Variants in BRPF1 observed in about 807,000 individuals in gnomAD.
The protein encoded by BRPF1 is bromodomain and PHD finger containing 1.
BRPF1 carries 15 observed loss-of-function variants against 115.0 expected under a neutral mutation model. That is an observed-to-expected ratio of 0.13 (90% CI 0.09 to 0.20). The LOEUF (loss-of-function observed/expected upper bound fraction) is 0.20. Among genes scored for constraint, BRPF1 ranks in the 10% least tolerant of loss-of-function variants. The pLI is 1.00. For synonymous variants in BRPF1, 647 were observed against 619.8 expected (o/e 1.04, Z -0.65); for missense variants, 1,118 against 1,638.3 (o/e 0.68, Z 5.48).
In BRPF1 at chr3:9,746,028, G is replaced by C. The variant is rs1488870861; in HGVS notation, c.3324+98G>C. 1.5e-5 allele frequency: 21 copies of C among 1,374,902 alleles called. No individual in the cohort carries two copies. In the Middle Eastern group the frequency reaches 5.7e-4, roughly 37 times the overall value. 85.2% of individuals were successfully genotyped at this position (1,374,902 alleles called of 1,614,324 possible). A position where few individuals can be genotyped will look rare whatever the true frequency, so the allele number is the denominator to read the frequency against. On this transcript the variant is annotated intron_variant, in intron 12 of 13. Coordinates refer to ENST00000383829, the MANE Select transcript of BRPF1 (RefSeq NM_001003694.2). ...ACTCCCTGCTGAGCTGTGGGGCACA[G>C]AGTTTCTTGGTAAGGTAGACTGGTG...
chr3:9,740,409 CTA>C (rs1362888948), intron 3 of BRPF1, among the ~76,000 whole-genome samples: 1 of 152,160 alleles, frequency 6.6e-6, no homozygotes, highest in African/African-American at 2.4e-5. Context: ...ATTTGATTTA[CTA>C]TATATTTCTG....
rs2077143742 is a variant in BRPF1 at position 9,747,221 on chromosome 3, AAGG to A, written c.3538_3540del (p.Glu1180del). Reference sequence around the variant, plus strand: ...TCTGGGTGTGAACCAGGACCTAGACAAGGAGAAGATGCTGGAGGGCCGCAAGTC... The same window carrying A: ...TCTGGGTGTGAACCAGGACCTAGACAAGAAGATGCTGGAGGGCCGCAAGTC... On this transcript the variant is annotated inframe_deletion, in exon 14 of 14. Transcript: ENST00000383829. This position sits in a 1 kb window ranked among gnomAD's most constrained non-coding sequence, Gnocchi z 5.6. The A allele has an allele frequency of 6.2e-7, 1 of 1,614,206 alleles. No homozygotes were observed. The highest frequency in any genetic ancestry group is 8.5e-7 in the Non-Finnish European group (1 of 1,180,050).
In BRPF1 at chr3:9,732,027, C is replaced by T. The variant is rs1353554900; in HGVS notation, c.-122C>T. The T allele has an allele frequency of 1.3e-5, 2 of 152,498 alleles. No homozygotes were observed. Among genetic ancestry groups the T allele is most frequent in the South Asian group, 2.1e-4 (1 of 4,838 alleles). The allele number at this position is 152,498 out of a possible 1,614,324, so 9.4% of individuals were successfully genotyped here. A position where few individuals can be genotyped will look rare whatever the true frequency, so the allele number is the denominator to read the frequency against. On this transcript the variant is annotated 5_prime_UTR_variant, in exon 1 of 14. Transcript: ENST00000383829. ...GGGCCGGGGTGGCGAGGTCTACGGT[C>T]TCCGGAGTTGGGGCTCCCCCTTCCC...
In BRPF1 at chr3:9,745,744, G is replaced by A. The variant is rs1004043431; in HGVS notation, c.3205+35G>A. On this transcript the variant is annotated intron_variant, in intron 11 of 13. Transcript: ENST00000383829. This position sits in a 1 kb window ranked among gnomAD's most constrained non-coding sequence, Gnocchi z 5.1. ...CTTGCCCAAGGCCAGGGATGCTGGGGACCCAGTGTCAGGGTCTCGCCAGCC... is the reference window on the plus strand; with the variant it reads ...CTTGCCCAAGGCCAGGGATGCTGGGAACCCAGTGTCAGGGTCTCGCCAGCC... The A allele has an allele frequency of 6.2e-7, 1 of 1,611,942 alleles. No homozygotes were observed. Among genetic ancestry groups the A allele is most frequent in the Non-Finnish European group, 8.5e-7 (1 of 1,178,152 alleles).
intron 3 of BRPF1, 136 bp from the exon 4 acceptor site, chr3:9,740,642 TC>T: frequency 8.8e-7 from 1 of 1,141,134 alleles, no homozygotes; most frequent in Non-Finnish European, 1.2e-6. Context: ...TTGCCTTAAG[TC>T]CAGAGTCCCA....
Position 9,743,012 on chromosome 3 carries a change from T to G in BRPF1, c.2070T>G (p.Ala690=). Residue 690 remains alanine (A), a synonymous_variant, in exon 7 of 14, where the codon GCT becomes GCG. Coordinates refer to ENST00000383829, the MANE Select transcript of BRPF1 (RefSeq NM_001003694.2). The surrounding 1 kb of genome is among the most constrained non-coding windows in gnomAD (Gnocchi z 6.1). The part of the protein sequence containing the change: ...DFFTMKQNLE[A]YRYLNFDDFE... Reference sequence around the variant, plus strand: ...TCACCATGAAGCAGAACTTGGAGGCTTACCGCTACCTGAATTTTGATGATT... The same window carrying G: ...TCACCATGAAGCAGAACTTGGAGGCGTACCGCTACCTGAATTTTGATGATT... 6.2e-7 allele frequency: 1 copy of G among 1,614,200 alleles called. No homozygotes were observed. Among genetic ancestry groups the G allele is most frequent in the East Asian group, 2.2e-5 (1 of 44,882 alleles).
intron 6 of BRPF1, 25 bp from the exon 7 acceptor site, chr3:9,742,919 A>G (rs751252501): frequency 6.2e-7 from 1 of 1,603,384 alleles, no homozygotes; most frequent in Admixed American, 1.7e-5. Flanking sequence ...TCTCCACTTA[A>G]AACAAACCTG....
rs186867660 is a variant in BRPF1 at position 9,741,284 on chromosome 3, C to T, written c.1723-24C>T. 2.9e-5 allele frequency: 45 copies of T among 1,545,684 alleles called. 1 individual carries two copies. In the African/African-American group the frequency reaches 6.1e-4, roughly 21 times the overall value. ...TTTCCTCTGGCTTTCTAATCATCCT[C>T]TGATCTTCGTTTTGCCTCTACAGAG... is the stretch of plus-strand genomic sequence containing the variant. On this transcript the variant is annotated intron_variant, in intron 4 of 13. Coordinates refer to ENST00000383829, the MANE Select transcript of BRPF1 (RefSeq NM_001003694.2).
Position 9,742,927 on chromosome 3 carries a change from C to G in BRPF1, c.2002-17C>G, listed in dbSNP as rs1218467597. ...GAGGATATCTCCACTTAAAACAAAC[C>G]TGCCCTGCCCTTCCAGGTACCTGAC... On this transcript the variant is annotated splice_polypyrimidine_tract_variant and intron_variant, in intron 6 of 13. Coordinates refer to ENST00000383829, the MANE Select transcript of BRPF1 (RefSeq NM_001003694.2). 1 of 1,606,130 alleles carries G rather than the reference C, an allele frequency of 6.2e-7. No individual in the cohort carries two copies. The highest frequency in any genetic ancestry group is 8.5e-7 in the Non-Finnish European group (1 of 1,174,296).
intron 2 of BRPF1, among the ~76,000 whole-genome samples, chr3:9,737,386 C>G (rs1194969403): frequency 6.6e-6 from 1 of 152,226 alleles, no homozygotes. Flanking sequence ...AGGCACTGTC[C>G]TAAGCACTTT....
At chr3:9,742,652 T>C (rs2077050976) in intron 6 of BRPF1, 1 of 700,716 alleles carries the variant, frequency 1.4e-6, no homozygotes, top group Admixed American at 6.3e-5. Flanking sequence ...CCAAGCCATT[T>C]TCTTACTAAA....
Position 9,739,680 on chromosome 3 carries a change from G to A in BRPF1, c.1281G>A (p.Arg427=), listed in dbSNP as rs1231315558. 1.2e-6 allele frequency: 2 copies of A among 1,613,144 alleles called. No homozygotes were observed. The highest frequency in any genetic ancestry group is 1.1e-5 in the South Asian group (1 of 91,086). The change falls in exon 3 of 14, where the codon CGG becomes CGA. Residue 427 remains arginine (R), a synonymous_variant. Coordinates refer to ENST00000383829, the MANE Select transcript of BRPF1 (RefSeq NM_001003694.2). ...TTTACATGAAGATGGAGCCTGTGCG[G>A]GAGACAGGCGCCAACGGCACCTCTT... The part of the protein sequence containing the change: ...AGLYMKMEPV[R]ETGANGTSFS...
intron 6 of BRPF1, chr3:9,742,615 AGGT>A (rs1280727449): frequency 2.2e-6 from 2 of 926,636 alleles, no homozygotes; most frequent in African/African-American, 3.6e-5. Flanking sequence ...TAGGAATGCA[AGGT>A]GGTGTTTATT....
intron 2 of BRPF1, among the ~76,000 whole-genome samples, chr3:9,737,479 A>G (rs756425762): frequency 4.6e-5 from 7 of 152,254 alleles, no homozygotes; most frequent in African/African-American, 7.2e-5. Flanking sequence ...CAGATGAACA[A>G]ACAAGGCTCA....
rs2076862377 is a variant in BRPF1, at chr3:9,732,129, G to A, written c.-20G>A. The A allele has an allele frequency of 6.6e-6, 1 of 152,406 alleles. No homozygotes were observed. Among genetic ancestry groups the A allele is most frequent in the Non-Finnish European group, 1.5e-5 (1 of 68,174 alleles). 9.4% of individuals were successfully genotyped at this position (152,406 alleles called of 1,614,324 possible). ...CGCCCCCGGCGATGAGCCCGGACTC[G>A]AGGTGGCCGGTGAGTGCGGGCCTGG... On this transcript the variant is annotated 5_prime_UTR_variant, in exon 1 of 14. Transcript: ENST00000383829.
rs577075821 is a variant in BRPF1 at position 9,745,414 on chromosome 3, C to T, written c.3069-159C>T. 1.3e-5 allele frequency among the ~76,000 whole-genome samples: 2 copies of T among 152,392 alleles called. No homozygotes were observed. The highest frequency in any genetic ancestry group is 4.1e-4 in the South Asian group (2 of 4,832). On this transcript the variant is annotated intron_variant, in intron 10 of 13. Coordinates refer to ENST00000383829, the MANE Select transcript of BRPF1 (RefSeq NM_001003694.2). This position sits in a 1 kb window ranked among gnomAD's most constrained non-coding sequence, Gnocchi z 5.1. ...GGCTAACCCACCTCTGTTAGGTCAT[C>T]AGCCTAGCCCCTGTGGGTGTTTGAA... is the stretch of plus-strand genomic sequence containing the variant.
chr3:9,740,759 C>CT lies in BRPF1; in HGVS notation c.1560-17dup. The CT allele has an allele frequency of 3.1e-6, 5 of 1,612,160 alleles. No individual in the cohort carries two copies. Among genetic ancestry groups the CT allele is most frequent in the Non-Finnish European group, 4.2e-6 (5 of 1,178,294 alleles). On this transcript the variant is annotated intron_variant, in intron 3 of 13. Transcript: ENST00000383829. ...GAATCAGGGCCCAACAAGTTTTACT[C>CT]TTTGTTTCCTGCCTCCCAGGCTTAG...
chr3:9,734,599 C>T lies in BRPF1; in HGVS notation c.459C>T (p.Asn153=), dbSNP rs376196642. 15 of 1,614,150 alleles carry T rather than the reference C, an allele frequency of 9.3e-6. No individual in the cohort carries two copies. Among genetic ancestry groups the T allele is most frequent in the Non-Finnish European group, 1.2e-5 (14 of 1,180,030 alleles). ...AATPKSGKHK[N]KEKRKDSNHH... The stretch of plus-strand genomic sequence containing the variant: ...CTCCCAAGTCAGGCAAACATAAGAA[C>T]AAGGAGAAGCGCAAGGACTCCAACC... Residue 153 remains asparagine, a synonymous_variant, in exon 2 of 14, where the codon AAC becomes AAT. Transcript: ENST00000383829. The surrounding 1 kb of genome is among the most constrained non-coding windows in gnomAD (Gnocchi z 5.7).
At chr3:9,740,245 C>G (rs1213232553) in intron 3 of BRPF1, among the ~76,000 whole-genome samples, 1 of 152,156 alleles carries the variant, frequency 6.6e-6, no homozygotes, top group Non-Finnish European at 1.5e-5. Context: ...GAGGATGGAA[C>G]TGCCACTGGC....
Sources: gnomAD v4.1 joint callset for allele counts (sites outside exome capture counted in the v4.1 genomes callset) on GRCh38, gnomAD v4.1.1 for gene constraint, Gnocchi (gnomAD v3.1) non-coding constraint, MANE v1.5 for transcripts, NCBI Gene and HGNC (gene_info 2026-07-23, HGNC 2026-07-21) for gene names.